Variants in WDPCP observed in about 807,000 individuals in gnomAD.
WDPCP encodes WD repeat-containing and planar cell polarity effector protein fritz homolog.
A neutral mutation model predicts 93.1 loss-of-function variants in WDPCP; 71 were observed. The ratio of observed to expected loss-of-function variants is 0.76; its 90% CI spans 0.63 to 0.93. The LOEUF is 0.93. WDPCP is among the 40% of genes least tolerant of loss of function. The pLI, the probability that WDPCP is intolerant of heterozygous loss-of-function variation, is 0.00. For synonymous variants in WDPCP, 315 were observed against 315.0 expected (o/e 1.00, Z 0.00); for missense variants, 844 against 887.4 (o/e 0.95, Z 0.62).
intron 13 of WDPCP, among the ~76,000 whole-genome samples, chr2:63,268,431 G>T (rs1682342267): frequency 6.6e-6 from 1 of 152,022 alleles, no homozygotes; most frequent in Non-Finnish European, 1.5e-5. Context: ...TAATAGCAAT[G>T]TATTGTATAT....
chr2:63,756,916 A>G (rs1213591946), intron 2 of WDPCP, among the ~76,000 whole-genome samples: 2 of 152,206 alleles, frequency 1.3e-5, no homozygotes, highest in African/African-American at 2.4e-5. Flanking sequence ...ACTTATCACT[A>G]CACTGTGCTC....
At chr2:63,369,379 G>A in intron 12 of WDPCP, 1 of 456,482 alleles carries the variant, frequency 2.2e-6, no homozygotes, top group Admixed American at 2.3e-5. Context: ...GTCAACAACT[G>A]TCTTGATCAG....
intron 13 of WDPCP, among the ~76,000 whole-genome samples, chr2:63,263,196 G>A (rs1517407): frequency 0.63 from 96,283 of 152,026 alleles, 32,295 homozygotes; most frequent in East Asian, 0.86. Flanking sequence ...TTCTGACTTC[G>A]TTTAATAATT....
rs1704317679 is a variant in WDPCP at position 63,536,811 on chromosome 2, G to A, written c.76-43871C>T. 4.0e-5 allele frequency among the ~76,000 whole-genome samples: 4 copies of A among 98,800 alleles called. No homozygotes were observed. The South Asian group carries it at 1.0e-3, about 25-fold the overall frequency. The allele number at this position is 98,800 out of a possible 152,430, so 64.8% of individuals were successfully genotyped here. On this transcript the variant is annotated intron_variant, in intron 1 of 17. Coordinates refer to ENST00000272321, the MANE Select transcript of WDPCP (RefSeq NM_015910.7). ...TTTTGATGGAATCTCTGTTACCCAG[G>A]CTGGAGTGCAGTGGCGCGATCTTGG...
intron 2 of WDPCP, among the ~76,000 whole-genome samples, chr2:63,651,004 T>A (rs112553315): frequency 9.1e-4 from 139 of 152,220 alleles, no homozygotes; most frequent in African/African-American, 3.1e-3. Flanking sequence ...GCTTTGGAAA[T>A]TTGTCTCCCT....
intron 3 of WDPCP, among the ~76,000 whole-genome samples, chr2:63,631,425 A>G (rs1349946743): frequency 6.6e-6 from 1 of 152,114 alleles, no homozygotes; most frequent in African/African-American, 2.4e-5. Context: ...AGAAGAGAGA[A>G]AAAAGCAAGC....
chr2:63,293,283 A>G (rs960943958), intron 13 of WDPCP, among the ~76,000 whole-genome samples: 2 of 152,222 alleles, frequency 1.3e-5, no homozygotes, highest in African/African-American at 4.8e-5. Context: ...AAGGGCAGGA[A>G]AAGTATAGTT....
intron 1 of WDPCP, among the ~76,000 whole-genome samples, chr2:63,516,076 A>G (rs1049786504): frequency 6.6e-6 from 1 of 152,136 alleles, no homozygotes; most frequent in Admixed American, 6.5e-5. Context: ...CCTACTTTAT[A>G]AAGTGGAAAA....
chr2:63,731,170 G>A (rs770677388), intron 2 of WDPCP, among the ~76,000 whole-genome samples: 8 of 151,654 alleles, frequency 5.3e-5, no homozygotes, highest in Non-Finnish European at 1.2e-4. Flanking sequence ...TTGGGAGGCT[G>A]AGGCAGGAGA....
Position 63,685,302 on chromosome 2 carries a change from G to T in WDPCP, n.309-34464C>A, listed in dbSNP as rs1473352911. On this transcript the variant is annotated intron_variant and non_coding_transcript_variant, in intron 2 of 4. Transcript: ENST00000467687. ...GAACTGATAGAGCAGAAATTCAAAG[G>T]ATTATTAGTGGCTACTATGAGCAAC... 1.2e-4 allele frequency among the ~76,000 whole-genome samples: 19 copies of T among 152,128 alleles called. 1 individual carries two copies. Among genetic ancestry groups the T allele is most frequent in the Admixed American group, 1.2e-3 (19 of 15,282 alleles).
intron 12 of WDPCP, among the ~76,000 whole-genome samples, chr2:63,334,174 T>G (rs1688184657): frequency 1.3e-5 from 2 of 152,350 alleles, no homozygotes; most frequent in South Asian, 4.1e-4. Flanking sequence ...TACATTTATT[T>G]AAGTCTTAAT....
intron 3 of WDPCP, among the ~76,000 whole-genome samples, chr2:63,637,534 A>G (rs920850475): frequency 1.3e-5 from 2 of 152,080 alleles, no homozygotes; most frequent in Non-Finnish European, 1.5e-5. Context: ...ACTAAAATGT[A>G]TAAGGAACTC....
chr2:63,413,120 T>C (rs1695143957), intron 9 of WDPCP, among the ~76,000 whole-genome samples: 1 of 152,144 alleles, frequency 6.6e-6, no homozygotes, highest in African/African-American at 2.4e-5. Flanking sequence ...GATTTCAAAC[T>C]ATACTATAAG....
At position 63,484,365 on chromosome 2, in the gene WDPCP, A is replaced by G. The variant is rs573109610; in HGVS notation, c.384+239T>C. On this transcript the variant is annotated intron_variant, in intron 6 of 17. Coordinates refer to ENST00000272321, the MANE Select transcript of WDPCP (RefSeq NM_015910.7). ...TCAAACAAAAAAATACAATATGAAA[A>G]GATTTTTATTAGTGTTTGTATGTCA... 1.5e-4 allele frequency among the ~76,000 whole-genome samples: 23 copies of G among 152,126 alleles called. No individual in the cohort carries two copies. In the South Asian group the frequency reaches 4.8e-3, roughly 32 times the overall value.
At chr2:63,208,287 A>G (rs1408543120) in intron 14 of WDPCP, among the ~76,000 whole-genome samples, 1 of 152,014 alleles carries the variant, frequency 6.6e-6, no homozygotes, top group Non-Finnish European at 1.5e-5. Flanking sequence ...GTTCTTGTTC[A>G]TTTTTATGGA....
intron 17 of WDPCP, among the ~76,000 whole-genome samples, chr2:63,151,528 T>C (rs1234806465): frequency 6.6e-6 from 1 of 152,202 alleles, no homozygotes; most frequent in Non-Finnish European, 1.5e-5. Context: ...AGGATGTTGT[T>C]GTTGTTGTTC....
At chr2:63,406,468 T>C (rs1305177491) in intron 9 of WDPCP, among the ~76,000 whole-genome samples, 2 of 152,190 alleles carry the variant, frequency 1.3e-5, no homozygotes, top group East Asian at 3.8e-4. Flanking sequence ...ATCAGGGGCA[T>C]ACACTTGTAA....
At chr2:63,662,811 C>T (rs138595623) in intron 2 of WDPCP, among the ~76,000 whole-genome samples, 64 of 152,264 alleles carry the variant, frequency 4.2e-4, no homozygotes, top group South Asian at 8.3e-4. Context: ...ATTCTTTAAC[C>T]GAGTTTGCCA....
chr2:63,163,301 T>G (rs1222803133), intron 15 of WDPCP, among the ~76,000 whole-genome samples: 2 of 152,192 alleles, frequency 1.3e-5, no homozygotes, highest in African/African-American at 4.8e-5. Flanking sequence ...CTTTCATTTT[T>G]ATGTTTTAAA....
Sources: gnomAD v4.1 joint callset for allele counts (sites outside exome capture counted in the v4.1 genomes callset) on GRCh38, gnomAD v4.1.1 for gene constraint, MANE v1.5 for transcripts, NCBI Gene and HGNC (gene_info 2026-07-23, HGNC 2026-07-21) for gene names.